ACTR3C: variants seen among roughly 807,000 people sequenced by gnomAD.
ACTR3C encodes the protein actin related protein 3C.
In ACTR3C, 18 loss-of-function variants were observed where a neutral mutation model predicts 26.3. The observed-to-expected ratio is 0.68, with a 90% CI of 0.47 to 1.01. The LOEUF (loss-of-function observed/expected upper bound fraction) is 1.01, where lower values mean the gene tolerates loss of function less well. Among genes scored for constraint, ACTR3C ranks in the 50% least tolerant of loss-of-function variants. ACTR3C has a pLI of 0.00. For missense variants in ACTR3C, 184 were observed against 250.7 expected, an observed-to-expected ratio of 0.73 and a Z score of 1.80; for synonymous variants, 55 against 94.5, an observed-to-expected ratio of 0.58 and a Z score of 2.42.
At chr7:149,967,580 T>G in the ACTR3C span, among the ~76,000 whole-genome samples, 894 of 152,328 alleles carry the variant, frequency 5.9e-3, 8 homozygotes, top group African/African-American at 0.021. Context: ...AAATGAACTC[T>G]GGTCCACAGT....
chr7:150,150,914 C>T, the ACTR3C span, among the ~76,000 whole-genome samples: 1 of 137,294 alleles, frequency 7.3e-6, no homozygotes, highest in Non-Finnish European at 1.6e-5. Flanking sequence ...ATGTATTTTG[C>T]CTGATTTTTG....
At chr7:150,084,711 G>A in the ACTR3C span, among the ~76,000 whole-genome samples, 2 of 152,208 alleles carry the variant, frequency 1.3e-5, no homozygotes, top group Non-Finnish European at 2.9e-5. Flanking sequence ...CACCATTGGA[G>A]GTCAGTAAGG....
At chr7:149,893,917 G>A in the ACTR3C span, among the ~76,000 whole-genome samples, 1 of 152,092 alleles carries the variant, frequency 6.6e-6, no homozygotes, top group Non-Finnish European at 1.5e-5. Context: ...ATCCTTCACA[G>A]AAATAGAAAA....
At chr7:149,962,384 C>A in the ACTR3C span, among the ~76,000 whole-genome samples, 1 of 152,108 alleles carries the variant, frequency 6.6e-6, no homozygotes, top group Non-Finnish European at 1.5e-5. Flanking sequence ...AAAATTAGAT[C>A]CACACACCAT....
At chr7:150,072,785 T>C in the ACTR3C span, among the ~76,000 whole-genome samples, 1 of 152,016 alleles carries the variant, frequency 6.6e-6, no homozygotes, top group East Asian at 1.9e-4. Flanking sequence ...GCTGTCAGTA[T>C]GATAGGTGCA....
At chr7:150,168,712 T>A in the ACTR3C span, among the ~76,000 whole-genome samples, 1 of 150,536 alleles carries the variant, frequency 6.6e-6, no homozygotes, top group Non-Finnish European at 1.5e-5. Flanking sequence ...GTCCTCCACA[T>A]CCCCTCGTAG....
the ACTR3C span, among the ~76,000 whole-genome samples, chr7:150,128,264 G>A: frequency 1.3e-5 from 2 of 152,168 alleles, no homozygotes; most frequent in Non-Finnish European, 2.9e-5. Context: ...CAGCTTGTCT[G>A]AAGATATTGG....
At chr7:150,038,317 T>G in the ACTR3C span, among the ~76,000 whole-genome samples, 1 of 144,184 alleles carries the variant, frequency 6.9e-6, no homozygotes, top group Non-Finnish European at 1.5e-5. Flanking sequence ...GGCCCCACAG[T>G]TTGGGTTAAA....
the ACTR3C span, among the ~76,000 whole-genome samples, chr7:149,914,614 A>C: frequency 6.6e-6 from 1 of 151,820 alleles, no homozygotes; most frequent in Non-Finnish European, 1.5e-5. Context: ...AAAAAAAAAA[A>C]AAATCTAGGC....
At chr7:150,152,387 A>G in the ACTR3C span, among the ~76,000 whole-genome samples, 2 of 152,128 alleles carry the variant, frequency 1.3e-5, no homozygotes, top group Non-Finnish European at 2.9e-5. Flanking sequence ...TTCTGCATCT[A>G]TTGAGATAAT....
chr7:149,988,529 T>C, the ACTR3C span, among the ~76,000 whole-genome samples: 1 of 152,226 alleles, frequency 6.6e-6, no homozygotes, highest in African/African-American at 2.4e-5. Context: ...CCTACATCAA[T>C]TGGTTTACTA....
the ACTR3C span, among the ~76,000 whole-genome samples, chr7:150,195,756 G>A: frequency 1.3e-5 from 2 of 152,176 alleles, no homozygotes; most frequent in Admixed American, 6.5e-5. Flanking sequence ...GCACATGCCT[G>A]TAATAGCAGC....
chr7:150,311,926 C>CT (rs1379640336), intron 1 of ACTR3C, among the ~76,000 whole-genome samples: 1 of 152,222 alleles, frequency 6.6e-6, no homozygotes, highest in Non-Finnish European at 1.5e-5. Flanking sequence ...CATAACCATG[C>CT]TGCCATTTGG....
At chr7:149,898,757 TCA>T in the ACTR3C span, among the ~76,000 whole-genome samples, 1 of 151,414 alleles carries the variant, frequency 6.6e-6, no homozygotes, top group African/African-American at 2.4e-5. Context: ...TTAAAACACA[TCA>T]CACACACACA....
chr7:150,317,072 C>CATTT (rs35008477), intron 1 of ACTR3C, among the ~76,000 whole-genome samples: 44,206 of 150,962 alleles, frequency 0.29, 6,664 homozygotes, highest in East Asian at 0.41. Flanking sequence ...TTCTTTCCTT[C>CATTT]ATTTATTTAT....
chr7:150,192,493 C>T, the ACTR3C span, among the ~76,000 whole-genome samples: 5 of 152,072 alleles, frequency 3.3e-5, no homozygotes, highest in African/African-American at 7.2e-5. Context: ...ATAGAAACGA[C>T]GTCTCGCTCT....
At chr7:150,207,107 A>G in the ACTR3C span, among the ~76,000 whole-genome samples, 1 of 152,334 alleles carries the variant, frequency 6.6e-6, no homozygotes, top group South Asian at 2.1e-4. Context: ...TACAGTTATC[A>G]TGTGGGGAAG....
chr7:150,120,129 G>A, the ACTR3C span, among the ~76,000 whole-genome samples: 6 of 152,114 alleles, frequency 3.9e-5, no homozygotes, highest in Admixed American at 3.9e-4. Flanking sequence ...ACATGAGAAA[G>A]CAAGAAAGGT....
the ACTR3C span, among the ~76,000 whole-genome samples, chr7:150,092,132 C>T: frequency 2.8e-5 from 4 of 142,742 alleles, no homozygotes; most frequent in African/African-American, 7.7e-5. Flanking sequence ...GTAGAAATGT[C>T]TTCTACTTCT....
Sources: allele counts gnomAD v4.1 joint callset (sites outside exome capture counted in the v4.1 genomes callset), GRCh38; gene constraint gnomAD v4.1.1; transcripts MANE v1.5; gene names NCBI Gene and HGNC (gene_info 2026-07-23, HGNC 2026-07-21).